Variants in CDC42BPA observed in about 807,000 individuals in gnomAD.
CDC42BPA encodes CDC42 binding protein kinase alpha, also known as serine/threonine-protein kinase MRCK alpha.
A neutral mutation model predicts 223.5 loss-of-function variants in CDC42BPA; 80 were observed. The ratio of observed to expected loss-of-function variants is 0.36; its 90% CI spans 0.30 to 0.43. CDC42BPA has a LOEUF of 0.43. CDC42BPA is among the 20% of genes least tolerant of loss of function. The pLI is 1.00. For missense variants in CDC42BPA, 1,743 were observed against 2,099.9 expected (o/e 0.83, Z 3.32); for synonymous variants, 694 against 718.6 (o/e 0.97, Z 0.55).
chr1:227,069,423 T>C, intron 21 of CDC42BPA: 1 of 162,176 alleles, frequency 6.2e-6, no homozygotes, highest in Non-Finnish European at 1.3e-5. Flanking sequence ...GCTTTGACAT[T>C]TTCTCACTTT....
At chr1:227,163,462 T>C (rs75233952) in intron 5 of CDC42BPA, among the ~76,000 whole-genome samples, 15,359 of 151,896 alleles carry the variant, frequency 0.1, 905 homozygotes, top group Middle Eastern at 0.16. Context: ...AGATGAAAGA[T>C]ATGGACATCT....
chr1:227,005,306 C>CTA (rs1440630000), intron 34 of CDC42BPA, among the ~76,000 whole-genome samples, 195 bp from the exon 35 acceptor site: 1 of 152,114 alleles, frequency 6.6e-6, no homozygotes, highest in Non-Finnish European at 1.5e-5. Context: ...AAATCTCATC[C>CTA]TAATCAGGAA....
intron 31 of CDC42BPA, among the ~76,000 whole-genome samples, 187 bp from the exon 32 acceptor site, chr1:227,023,534 A>G (rs1022518565): frequency 2.6e-5 from 4 of 152,204 alleles, no homozygotes; most frequent in Non-Finnish European, 2.9e-5. Flanking sequence ...TTGAACAAAC[A>G]AACTTGCAAT....
intron 5 of CDC42BPA, among the ~76,000 whole-genome samples, chr1:227,164,934 G>A (rs1395914727): frequency 6.6e-6 from 1 of 152,134 alleles, no homozygotes; most frequent in Non-Finnish European, 1.5e-5. Flanking sequence ...CAGGTTTTAG[G>A]AAATAAAATT....
chr1:227,180,304 C>G (rs1018615453), intron 5 of CDC42BPA: 6 of 152,032 alleles, frequency 3.9e-5, no homozygotes, highest in African/African-American at 1.2e-4. Context: ...TCTACTATTT[C>G]CACTAAGAAC....
chr1:227,289,715 A>C (rs78293099), intron 1 of CDC42BPA, among the ~76,000 whole-genome samples: 14,186 of 152,188 alleles, frequency 0.093, 840 homozygotes, highest in Middle Eastern at 0.17. Context: ...GTACTCCACA[A>C]ACACTGTATC....
intron 11 of CDC42BPA, among the ~76,000 whole-genome samples, chr1:227,125,429 C>T (rs1201399517): frequency 6.6e-6 from 1 of 151,652 alleles, no homozygotes; most frequent in South Asian, 2.1e-4. Context: ...CCAGGCAACA[C>T]AGCGAGACCC....
chr1:227,125,625 G>A (rs572533990), intron 11 of CDC42BPA, among the ~76,000 whole-genome samples: 143 of 143,880 alleles, frequency 9.9e-4, no homozygotes, highest in South Asian at 2.4e-3. Context: ...AAAAAAAAGA[G>A]TGATGTCAGA....
At chr1:227,106,953 T>C (rs2149353175) in intron 14 of CDC42BPA, among the ~76,000 whole-genome samples, 1 of 152,378 alleles carries the variant, frequency 6.6e-6, no homozygotes, top group East Asian at 1.9e-4. Flanking sequence ...CACATTGTTT[T>C]GATTACTGTA....
Position 226,993,654 on chromosome 1 carries a change from T to TA in CDC42BPA, c.*613dup, listed in dbSNP as rs1245405704. 1 of 152,722 alleles carries TA rather than the reference T, an allele frequency of 6.5e-6. No homozygotes were observed. The highest frequency in any genetic ancestry group is 1.5e-5 in the Non-Finnish European group (1 of 68,094). The allele number at this position is 152,722 out of a possible 1,614,324, so 9.5% of individuals were successfully genotyped here. A position where few individuals can be genotyped will look rare whatever the true frequency, so the allele number is the denominator to read the frequency against. ...TCTTTAAATTAAATCATCTCTCTTA[T>TA]ATATGCATCCATCTTTTGTTGAATA... On this transcript the variant is annotated 3_prime_UTR_variant, in exon 37 of 37. Transcript: ENST00000366766.
At chr1:227,208,728 TACC>T (rs1673299275) in intron 3 of CDC42BPA, among the ~76,000 whole-genome samples, 1 of 152,006 alleles carries the variant, frequency 6.6e-6, no homozygotes, top group Non-Finnish European at 1.5e-5. Flanking sequence ...TCTGTTTTGG[TACC>T]AGTACCATGC....
intron 3 of CDC42BPA, among the ~76,000 whole-genome samples, chr1:227,201,791 G>A (rs1208042220): frequency 6.9e-6 from 1 of 144,410 alleles, no homozygotes; most frequent in African/African-American, 2.6e-5. Context: ...TTTTTTTCAA[G>A]TAACAATGAA....
chr1:227,099,278 G>A (rs1334464381), intron 15 of CDC42BPA, among the ~76,000 whole-genome samples: 5 of 150,968 alleles, frequency 3.3e-5, no homozygotes, highest in Non-Finnish European at 5.9e-5. Context: ...ACAACCTCAG[G>A]CAGGTCCTTC....
chr1:227,220,484 G>A (rs750453969), intron 2 of CDC42BPA, among the ~76,000 whole-genome samples: 24 of 151,234 alleles, frequency 1.6e-4, no homozygotes, highest in Non-Finnish European at 3.1e-4. Context: ...TCTACCTGCA[G>A]TCCTAACATT....
At chr1:227,269,982 G>A (rs1465525695) in intron 1 of CDC42BPA, among the ~76,000 whole-genome samples, 1 of 152,046 alleles carries the variant, frequency 6.6e-6, no homozygotes, top group Non-Finnish European at 1.5e-5. Context: ...ATATGTATAA[G>A]CCCTGAAATA....
chr1:227,297,223 G>C (rs1410978189), intron 1 of CDC42BPA, among the ~76,000 whole-genome samples: 2 of 152,134 alleles, frequency 1.3e-5, no homozygotes, highest in Admixed American at 1.3e-4. Context: ...GTAGATCAAA[G>C]CCACAATGAA....
At chr1:227,019,767 A>G (rs1667029318) in intron 32 of CDC42BPA, among the ~76,000 whole-genome samples, 1 of 152,212 alleles carries the variant, frequency 6.6e-6, no homozygotes, top group Non-Finnish European at 1.5e-5. Flanking sequence ...TTTTGAAAGA[A>G]GTATTACTTT....
intron 1 of CDC42BPA, among the ~76,000 whole-genome samples, chr1:227,268,980 C>T (rs1456882768): frequency 6.6e-6 from 1 of 152,068 alleles, no homozygotes; most frequent in Non-Finnish European, 1.5e-5. Context: ...CCACTGGGCT[C>T]AGCCCATATT....
intron 1 of CDC42BPA, chr1:227,265,302 T>C (rs1345102774): frequency 4.3e-6 from 2 of 466,758 alleles, no homozygotes; most frequent in South Asian, 2.2e-5. Flanking sequence ...AAAGGCTTCG[T>C]TTCCCTACCT....
Sources: allele counts gnomAD v4.1 joint callset (sites outside exome capture counted in the v4.1 genomes callset), GRCh38; gene constraint gnomAD v4.1.1; transcripts MANE v1.5; gene names NCBI Gene and HGNC (gene_info 2026-07-23, HGNC 2026-07-21).